The following CCSER1 variants were observed in gnomAD, a reference collection of about 807,000 sequenced individuals.
CCSER1 encodes the protein serine-rich coiled-coil domain-containing protein 1.
CCSER1 carries 41 observed loss-of-function variants against 82.0 expected under a neutral mutation model. The ratio of observed to expected loss-of-function variants is 0.50; its 90% CI spans 0.39 to 0.65. CCSER1 has a LOEUF of 0.65. Ranked by LOEUF, CCSER1 falls within the 30% of genes least tolerant of loss-of-function variation. The pLI is 0.00. For missense variants in CCSER1, 1,119 were observed against 1,064.2 expected (o/e 1.05, Z -0.72); for synonymous variants, 414 against 383.9 (o/e 1.08, Z -0.92).
intron 6 of CCSER1, among the ~76,000 whole-genome samples, chr4:90,628,910 G>A (rs968929756): frequency 6.6e-6 from 1 of 152,078 alleles, no homozygotes; most frequent in African/African-American, 2.4e-5. Context: ...GTATACCCGT[G>A]ATTATTATTA....
chr4:91,068,907 G>T (rs1013518134), intron 9 of CCSER1, among the ~76,000 whole-genome samples: 1 of 152,140 alleles, frequency 6.6e-6, no homozygotes, highest in African/African-American at 2.4e-5. Context: ...TTTTGGCCAG[G>T]CATGGTGGCT....
chr4:90,747,258 G>A (rs532603325), intron 7 of CCSER1, among the ~76,000 whole-genome samples: 1 of 152,264 alleles, frequency 6.6e-6, no homozygotes, highest in Admixed American at 6.5e-5. Flanking sequence ...TGCAGTTCTA[G>A]AATGAAAGTT....
intron 10 of CCSER1, among the ~76,000 whole-genome samples, chr4:91,439,431 T>C (rs1220651528): frequency 6.6e-6 from 1 of 152,020 alleles, no homozygotes; most frequent in East Asian, 1.9e-4. Context: ...AAGCAAATGC[T>C]GAGAGACTTT....
At chr4:90,238,593 T>C (rs957154026) in intron 1 of CCSER1, among the ~76,000 whole-genome samples, 2 of 152,194 alleles carry the variant, frequency 1.3e-5, no homozygotes, top group Admixed American at 1.3e-4. Flanking sequence ...GAAACAGAGC[T>C]GTCCTGGTTG....
chr4:91,512,159 C>T (rs569764900), intron 10 of CCSER1, among the ~76,000 whole-genome samples: 22 of 152,048 alleles, frequency 1.4e-4, no homozygotes, highest in Non-Finnish European at 2.5e-4. Context: ...CGCAATGTAC[C>T]GTTTTTGGGT....
At chr4:91,347,278 AACATC>A (rs1332721372) in intron 10 of CCSER1, among the ~76,000 whole-genome samples, 1 of 152,116 alleles carries the variant, frequency 6.6e-6, no homozygotes, top group East Asian at 1.9e-4. Flanking sequence ...TCCTTTGTCA[AACATC>A]ACTTGACTAT....
intron 4 of CCSER1, among the ~76,000 whole-genome samples, chr4:90,448,991 C>G (rs541159357): frequency 2.0e-5 from 3 of 152,302 alleles, no homozygotes; most frequent in Admixed American, 2.0e-4. Context: ...TACATTACAC[C>G]TCTCAGGAGA....
chr4:91,404,334 T>C (rs1752546483), intron 10 of CCSER1, among the ~76,000 whole-genome samples: 1 of 152,180 alleles, frequency 6.6e-6, no homozygotes, highest in Non-Finnish European at 1.5e-5. Flanking sequence ...GTTGATGTTT[T>C]CAAAAAAACA....
At chr4:90,537,720 G>C (rs1028620353) in intron 5 of CCSER1, among the ~76,000 whole-genome samples, 1 of 151,928 alleles carries the variant, frequency 6.6e-6, no homozygotes, top group Admixed American at 6.6e-5. Flanking sequence ...TTATCTACTG[G>C]GGTTTTATAC....
At chr4:91,318,114 G>C (rs978777491) in intron 10 of CCSER1, among the ~76,000 whole-genome samples, 1 of 151,832 alleles carries the variant, frequency 6.6e-6, no homozygotes, top group African/African-American at 2.4e-5. Flanking sequence ...CCCATGCTCT[G>C]GGTGGGGAGG....
chr4:90,625,055 C>CA (rs1225521165), intron 5 of CCSER1, among the ~76,000 whole-genome samples: 2 of 152,064 alleles, frequency 1.3e-5, no homozygotes, highest in African/African-American at 4.8e-5. Flanking sequence ...CACATTTGTT[C>CA]AATTTCTTGA....
chr4:90,250,584 T>C (rs547283171), intron 1 of CCSER1, among the ~76,000 whole-genome samples: 2 of 152,242 alleles, frequency 1.3e-5, no homozygotes, highest in East Asian at 3.9e-4. Flanking sequence ...TCTGTCCTTA[T>C]GCCAGTATCA....
chr4:90,391,890 C>G (rs1751229080), intron 3 of CCSER1, among the ~76,000 whole-genome samples: 1 of 151,830 alleles, frequency 6.6e-6, no homozygotes, highest in Non-Finnish European at 1.5e-5. Flanking sequence ...TGTTTATCAC[C>G]TGCCAAAGAA....
chr4:91,474,806 TATATATACACACACACAC>T (rs1175362161), intron 10 of CCSER1, among the ~76,000 whole-genome samples: 2 of 65,848 alleles, frequency 3.0e-5, no homozygotes, highest in African/African-American at 1.0e-4. Flanking sequence ...TATATATATA[TATATATACACACACACAC>T]ACACACACAC....
At chr4:91,534,434 G>A (rs1165231064) in intron 10 of CCSER1, among the ~76,000 whole-genome samples, 4 of 151,962 alleles carry the variant, frequency 2.6e-5, no homozygotes, top group Non-Finnish European at 5.9e-5. Flanking sequence ...CTATCAATGA[G>A]AAACCACACT....
intron 10 of CCSER1, among the ~76,000 whole-genome samples, chr4:91,580,050 A>G (rs1220440043): frequency 6.6e-6 from 1 of 151,814 alleles, no homozygotes; most frequent in Non-Finnish European, 1.5e-5. Flanking sequence ...GAATAATGGA[A>G]AAAGCTTCTT....
chr4:91,563,988 G>T (rs1453016415), intron 10 of CCSER1, among the ~76,000 whole-genome samples: 1 of 151,674 alleles, frequency 6.6e-6, no homozygotes, highest in Non-Finnish European at 1.5e-5. Flanking sequence ...CATCACTCAG[G>T]TATTAAGCCC....
At chr4:91,542,797 T>C (rs898590511) in intron 10 of CCSER1, among the ~76,000 whole-genome samples, 1 of 152,072 alleles carries the variant, frequency 6.6e-6, no homozygotes, top group East Asian at 1.9e-4. Context: ...GGGTGGAGAG[T>C]TCTGTAGATG....
rs140547944 is a variant in CCSER1, at chr4:90,613,751, A to G, written c.1725-14274A>G. On this transcript the variant is annotated intron_variant, in intron 5 of 10. Transcript: ENST00000509176. ...CTCGAAGGAACATAAAGGAACTGTT[A>G]ACAAAGGACGTGATTTCTTCCTGTG... is the stretch of plus-strand genomic sequence containing the variant. 1.6e-4 allele frequency among the ~76,000 whole-genome samples: 25 copies of G among 152,306 alleles called. No individual in the cohort carries two copies. The East Asian group carries it at 4.8e-3, about 29-fold the overall frequency.
Sources: allele counts gnomAD v4.1 joint callset (sites outside exome capture counted in the v4.1 genomes callset), GRCh38; gene constraint gnomAD v4.1.1; transcripts MANE v1.5; gene names NCBI Gene and HGNC (gene_info 2026-07-23, HGNC 2026-07-21).